The following WRN variants were observed in gnomAD, a reference collection of about 807,000 sequenced individuals.
WRN encodes WRN RecQ like helicase.
Under a neutral mutation model 180.7 loss-of-function variants are expected in WRN, and 149 were observed. The ratio of observed to expected loss-of-function variants is 0.82; its 90% CI spans 0.72 to 0.94. The LOEUF is 0.94. Ranked by LOEUF, WRN falls within the 40% of genes least tolerant of loss-of-function variation. The pLI is 0.00. For synonymous variants in WRN, 548 were observed against 568.9 expected (o/e 0.96, Z 0.52); for missense variants, 1,661 against 1,700.1 (o/e 0.98, Z 0.40).
At chr8:31,076,056 G>A (rs1813082144) in intron 7 of WRN, 117 bp from the exon 8 acceptor site, 6 of 835,250 alleles carry the variant, frequency 7.2e-6, no homozygotes, top group Middle Eastern at 5.7e-4. Flanking sequence ...CTTTTTGTTG[G>A]AATTCATTTA....
At chr8:31,151,963 A>G (rs1490153801) in intron 31 of WRN, among the ~76,000 whole-genome samples, 1 of 152,170 alleles carries the variant, frequency 6.6e-6, no homozygotes, top group Non-Finnish European at 1.5e-5. Context: ...AAAATTACAA[A>G]TATGACACAT....
chr8:31,132,939 G>GT (rs1771209405), intron 24 of WRN, among the ~76,000 whole-genome samples: 1 of 152,150 alleles, frequency 6.6e-6, no homozygotes, highest in Non-Finnish European at 1.5e-5. Flanking sequence ...TCTAATTTCA[G>GT]TAACAATATT....
chr8:31,106,327 T>C (rs1801094872), intron 18 of WRN, among the ~76,000 whole-genome samples: 1 of 152,020 alleles, frequency 6.6e-6, no homozygotes, highest in South Asian at 2.1e-4. Context: ...ACTTTAAAAA[T>C]GAAGTCTGAT....
At chr8:31,106,230 C>T (rs1266181993) in intron 18 of WRN, among the ~76,000 whole-genome samples, 2 of 152,090 alleles carry the variant, frequency 1.3e-5, no homozygotes, top group African/African-American at 2.4e-5. Flanking sequence ...CCTGCCATTC[C>T]CCAGGTACGG....
chr8:31,086,355 T>G (rs1175156660), intron 11 of WRN, among the ~76,000 whole-genome samples: 2 of 152,096 alleles, frequency 1.3e-5, no homozygotes, highest in African/African-American at 4.8e-5. Flanking sequence ...GGAGGATCAC[T>G]TCATTCCAGG....
In WRN at chr8:31,091,918, C is replaced by T. The variant is rs2130179258; in HGVS notation, c.1898+20C>T. The stretch of plus-strand genomic sequence containing the variant: ...TAAATTGTGAGTAATTTTTTTCCCT[C>T]AACTTTTATTTTGGATTTATGGGGG... On this transcript the variant is annotated intron_variant, in intron 16 of 34. Transcript: ENST00000298139. 2.5e-6 allele frequency: 4 copies of T among 1,610,812 alleles called. No homozygotes were observed. The highest frequency in any genetic ancestry group is 2.5e-6 in the Non-Finnish European group (3 of 1,177,700).
At position 31,076,348 on chromosome 8, in the gene WRN, T is replaced by A. The variant is rs189531954; in HGVS notation, c.839+61T>A. Reference sequence around the variant, plus strand: ...AATTCTGTTTATTTTTTTATCACATTTTCCTATATGTGAAGAATACTATTC... The same window carrying A: ...AATTCTGTTTATTTTTTTATCACATATTCCTATATGTGAAGAATACTATTC... On this transcript the variant is annotated intron_variant, in intron 8 of 34. Coordinates refer to ENST00000298139, the MANE Select transcript of WRN (RefSeq NM_000553.6). The A allele has an allele frequency of 6.5e-6, 9 of 1,383,066 alleles. 1 individual carries two copies. Among genetic ancestry groups the A allele is most frequent in the Middle Eastern group, 2.0e-4 (1 of 4,976 alleles). The allele number at this position is 1,383,066 out of a possible 1,614,324, so 85.7% of individuals were successfully genotyped here.
At chr8:31,075,705 G>A (rs777172211) in intron 7 of WRN, among the ~76,000 whole-genome samples, 10 of 150,168 alleles carry the variant, frequency 6.7e-5, no homozygotes, top group Non-Finnish European at 1.2e-4. Flanking sequence ...GGGTGACAGA[G>A]TGAGACTCTG....
At chr8:31,101,787 CAAAAA>C (rs60342321) in intron 18 of WRN, among the ~76,000 whole-genome samples, 4 of 42,056 alleles carry the variant, frequency 9.5e-5, no homozygotes, top group Non-Finnish European at 1.4e-4. Context: ...AACTCTGTCT[CAAAAA>C]AAAAAAAAAA....
chr8:31,037,732 G>A (rs1811502923), intron 1 of WRN, among the ~76,000 whole-genome samples: 3 of 152,132 alleles, frequency 2.0e-5, no homozygotes, highest in Admixed American at 2.0e-4. Flanking sequence ...TCTCTGTTCT[G>A]TTCTATTATC....
intron 1 of WRN, among the ~76,000 whole-genome samples, chr8:31,055,856 A>AATT (rs1468783588): frequency 6.6e-6 from 1 of 152,238 alleles, no homozygotes; most frequent in Non-Finnish European, 1.5e-5. Flanking sequence ...GACCGAAAAT[A>AATT]ACCTTTACCT....
At chr8:31,107,882 G>A (rs1801158781) in intron 18 of WRN, among the ~76,000 whole-genome samples, 1 of 152,104 alleles carries the variant, frequency 6.6e-6, no homozygotes, top group South Asian at 2.1e-4. Context: ...AGACATGTGG[G>A]GTTTTTCTAT....
At chr8:31,095,982 C>G (rs576703843) in intron 16 of WRN, among the ~76,000 whole-genome samples, 53 of 152,280 alleles carry the variant, frequency 3.5e-4, no homozygotes, top group Admixed American at 1.7e-3. Flanking sequence ...TAGTTATTGT[C>G]ACCGTTTTAT....
intron 18 of WRN, among the ~76,000 whole-genome samples, chr8:31,102,680 C>T (rs1800924561): frequency 6.6e-6 from 1 of 152,112 alleles, no homozygotes; most frequent in African/African-American, 2.4e-5. Flanking sequence ...GTGAATGGAG[C>T]TTGTAGGACT....
chr8:31,132,373 A>G lies in WRN; in HGVS notation c.2834A>G (p.His945Arg). 1 of 1,613,898 alleles carries G rather than the reference A, an allele frequency of 6.2e-7. No individual in the cohort carries two copies. Among genetic ancestry groups the G allele is most frequent in the Non-Finnish European group, 8.5e-7 (1 of 1,179,970 alleles). ...TTATTATTTTTATTTAGATTGGATC[A>G]TTGCTATTCCATGGATGACTCAGAG... Reference protein sequence around the residue: ...CCDNCRSRLDHCYSMDDSEDT... With the variant: ...CCDNCRSRLDRCYSMDDSEDT... The change falls in exon 24 of 35, where the codon CAT (histidine) becomes CGT (arginine). Residue 945 changes from histidine (H) to arginine (R), a missense_variant. Coordinates refer to ENST00000298139, the MANE Select transcript of WRN (RefSeq NM_000553.6).
chr8:31,090,313 A>G (rs1813696222), intron 13 of WRN, 152 bp from the exon 14 acceptor site: 6 of 705,102 alleles, frequency 8.5e-6, no homozygotes, highest in Admixed American at 7.7e-5. Context: ...GTCAAATGGC[A>G]TTGTTTGTTT....
chr8:31,064,827 T>A, intron 4 of WRN, 88 bp from the exon 5 acceptor site: 2 of 1,451,958 alleles, frequency 1.4e-6, no homozygotes, highest in Non-Finnish European at 1.9e-6. Context: ...AAATACAAAT[T>A]TACACATAAA....
At chr8:31,092,224 T>C (rs1303352413) in intron 16 of WRN, among the ~76,000 whole-genome samples, 2 of 152,146 alleles carry the variant, frequency 1.3e-5, no homozygotes, top group Non-Finnish European at 2.9e-5. Context: ...CATAGAATTA[T>C]AAAAATTTTG....
intron 1 of WRN, among the ~76,000 whole-genome samples, chr8:31,034,932 G>A (rs1171624162): frequency 6.6e-6 from 1 of 152,154 alleles, no homozygotes; most frequent in East Asian, 1.9e-4. Context: ...TATAGCAGGT[G>A]GGCTTTAAGA....
Sources: gnomAD v4.1 joint callset for allele counts (sites outside exome capture counted in the v4.1 genomes callset) on GRCh38, gnomAD v4.1.1 for gene constraint, MANE v1.5 for transcripts, NCBI Gene and HGNC (gene_info 2026-07-23, HGNC 2026-07-21) for gene names.